The following ENDOD1 variants were observed in gnomAD, a reference collection of about 807,000 sequenced individuals.
ENDOD1 encodes the protein endonuclease domain containing 1, also known as endonuclease domain-containing 1 protein.
A neutral mutation model predicts 6.5 loss-of-function variants in ENDOD1; 9 were observed. The observed-to-expected ratio is 1.39, with a 90% CI of 0.84 to 2.43. The LOEUF (loss-of-function observed/expected upper bound fraction) is 2.43. Among genes scored for constraint, ENDOD1 ranks in the 30% most tolerant of loss-of-function variants. The pLI, the probability that ENDOD1 is intolerant of heterozygous loss-of-function variation, is 0.00. For missense variants in ENDOD1, 648 were observed against 635.5 expected, an observed-to-expected ratio of 1.02 and a Z score of -0.21; for synonymous variants, 255 against 255.2, an observed-to-expected ratio of 1.00 and a Z score of 0.01.
intron 1 of ENDOD1, among the ~76,000 whole-genome samples, chr11:95,116,661 C>A (rs1175205240): frequency 6.6e-6 from 1 of 152,068 alleles, no homozygotes; most frequent in Non-Finnish European, 1.5e-5. Flanking sequence ...TTTGCTGTAT[C>A]CCATAGGTTT....
chr11:95,097,671 G>A (rs1859000312), intron 1 of ENDOD1, among the ~76,000 whole-genome samples: 1 of 152,194 alleles, frequency 6.6e-6, no homozygotes, highest in Non-Finnish European at 1.5e-5. Flanking sequence ...AAGGGCAGAA[G>A]CAAAGAAACC....
chr11:95,097,031 G>A (rs1265210059), intron 1 of ENDOD1, among the ~76,000 whole-genome samples: 3 of 151,916 alleles, frequency 2.0e-5, no homozygotes, highest in African/African-American at 7.3e-5. Flanking sequence ...GCATGCACCT[G>A]TAGTCCCAAC....
intron 1 of ENDOD1, among the ~76,000 whole-genome samples, chr11:95,114,927 T>G (rs1280571442): frequency 6.6e-6 from 1 of 152,226 alleles, no homozygotes; most frequent in Non-Finnish European, 1.5e-5. Flanking sequence ...TCAGGTAGTA[T>G]GATTCCTCCT....
chr11:95,108,598 A>T (rs965106985), intron 1 of ENDOD1, among the ~76,000 whole-genome samples: 3 of 152,110 alleles, frequency 2.0e-5, no homozygotes, highest in Non-Finnish European at 4.4e-5. Context: ...TATTCCCAAG[A>T]GGATAAAGAG....
At chr11:95,090,525 G>T (rs117061173) in intron 1 of ENDOD1, among the ~76,000 whole-genome samples, 1,589 of 152,276 alleles carry the variant, frequency 0.01, 21 homozygotes, top group East Asian at 0.063. Context: ...GCAGACATCC[G>T]CAGTGTTTCA....
intron 1 of ENDOD1, among the ~76,000 whole-genome samples, chr11:95,107,922 T>C (rs640220): frequency 0.97 from 147,801 of 152,216 alleles, 71,778 homozygotes; most frequent in East Asian, 1. Context: ...CCGCCTTGGC[T>C]TCACAAAGTT....
chr11:95,124,532 G>A (rs931467849), intron 1 of ENDOD1, among the ~76,000 whole-genome samples: 9 of 152,182 alleles, frequency 5.9e-5, no homozygotes, highest in Admixed American at 6.5e-5. Context: ...GGAAGGGGAG[G>A]GAAGATGTGC....
chr11:95,093,814 C>A (rs1858954760), intron 1 of ENDOD1, among the ~76,000 whole-genome samples: 2 of 152,166 alleles, frequency 1.3e-5, no homozygotes, highest in African/African-American at 4.8e-5. Flanking sequence ...AGCTGGAACC[C>A]TGCTCTGCAG....
chr11:95,123,314 TA>T (rs1319200093), intron 1 of ENDOD1, among the ~76,000 whole-genome samples: 1 of 150,544 alleles, frequency 6.6e-6, no homozygotes. Flanking sequence ...TTGCAAAAGA[TA>T]AAATTGACAG....
rs1859358295 is a variant in ENDOD1 at position 95,130,301 on chromosome 11, A to G, written c.*722A>G. ...CCAAATGTGGCATAACAGAGTTTGA[A>G]TTGAAGGGCAAAGTTTTCTTTTCTT... is the stretch of plus-strand genomic sequence containing the variant. On this transcript the variant is annotated 3_prime_UTR_variant, in exon 2 of 2. Coordinates refer to ENST00000278505, the MANE Select transcript of ENDOD1 (RefSeq NM_015036.3). The G allele has an allele frequency of 6.7e-6, 1 of 149,302 alleles. No homozygotes were observed. Among genetic ancestry groups the G allele is most frequent in the South Asian group, 2.1e-4 (1 of 4,714 alleles). 9.2% of individuals were successfully genotyped at this position (149,302 alleles called of 1,614,324 possible).
chr11:95,128,849 T>C lies in ENDOD1; in HGVS notation c.773T>C (p.Leu258Pro), dbSNP rs1859339654. ...DVMVKDLQKL[L>P]PFNPQLFQNN... ...ATGGTAAAAGATCTTCAGAAACTGC[T>C]TCCATTTAACCCTCAGCTGTTTCAG... Residue 258 changes from leucine to proline, a missense_variant, in exon 2 of 2, where the codon CTT becomes CCT. By Grantham distance (98) the Leu-to-Pro change is moderately conservative (BLOSUM62 -3). Transcript: ENST00000278505. 1.2e-6 allele frequency: 2 copies of C among 1,614,174 alleles called. No homozygotes were observed. Among genetic ancestry groups the C allele is most frequent in the Admixed American group, 1.7e-5 (1 of 60,026 alleles).
intron 1 of ENDOD1, among the ~76,000 whole-genome samples, chr11:95,101,543 CAT>C (rs35422394): frequency 0.32 from 47,937 of 151,928 alleles, 9,697 homozygotes; most frequent in Non-Finnish European, 0.47. Context: ...ATAAAAATAA[CAT>C]ATGCTTATGG....
At chr11:95,127,285 A>G (rs2134175567) in intron 1 of ENDOD1, among the ~76,000 whole-genome samples, 1 of 152,358 alleles carries the variant, frequency 6.6e-6, no homozygotes, top group African/African-American at 2.4e-5. Flanking sequence ...AGATAAGATG[A>G]AAATAATCAT....
chr11:95,090,329 A>G, intron 1 of ENDOD1, 102 bp downstream of exon 1: 5 of 1,324,918 alleles, frequency 3.8e-6, no homozygotes, highest in Non-Finnish European at 4.8e-6. Context: ...GGGAACAGCA[A>G]TCCCTACGCC....
chr11:95,126,098 A>G (rs1334650655), intron 1 of ENDOD1, among the ~76,000 whole-genome samples: 1 of 152,156 alleles, frequency 6.6e-6, no homozygotes, highest in African/African-American at 2.4e-5. Flanking sequence ...AGAATGGGGG[A>G]AGGCATGGAG....
rs555972709 is a variant in ENDOD1, at chr11:95,132,095, C to A, written c.*2516C>A. The A allele has an allele frequency of 1.3e-5, 2 of 152,730 alleles. No individual in the cohort carries two copies. Among genetic ancestry groups the A allele is most frequent in the African/African-American group, 2.4e-5 (1 of 41,552 alleles). The allele number at this position is 152,730 out of a possible 1,614,324, so 9.5% of individuals were successfully genotyped here. ...TGAGGTAGAGGTTGGGGTTTATGAA[C>A]CCCAACTCTGGCTTAAAGATCTTGC... On this transcript the variant is annotated 3_prime_UTR_variant, in exon 2 of 2. Coordinates refer to ENST00000278505, the MANE Select transcript of ENDOD1 (RefSeq NM_015036.3).
intron 1 of ENDOD1, among the ~76,000 whole-genome samples, chr11:95,110,184 G>A (rs1175946581): frequency 1.3e-5 from 2 of 152,208 alleles, no homozygotes; most frequent in African/African-American, 4.8e-5. Flanking sequence ...CACCATGGCA[G>A]AGAAGCAGAT....
At chr11:95,099,896 A>G (rs962115768) in intron 1 of ENDOD1, among the ~76,000 whole-genome samples, 1 of 152,228 alleles carries the variant, frequency 6.6e-6, no homozygotes, top group Admixed American at 6.5e-5. Context: ...TAAATGGACC[A>G]GGATGCATGG....
intron 1 of ENDOD1, among the ~76,000 whole-genome samples, chr11:95,106,461 G>A (rs1565445474): frequency 6.6e-6 from 1 of 152,118 alleles, no homozygotes; most frequent in Non-Finnish European, 1.5e-5. Flanking sequence ...GAAATTTGGC[G>A]GGGAGGCCTA....
Sources: allele counts gnomAD v4.1 joint callset (sites outside exome capture counted in the v4.1 genomes callset), GRCh38; gene constraint gnomAD v4.1.1; transcripts MANE v1.5; gene names NCBI Gene and HGNC (gene_info 2026-07-23, HGNC 2026-07-21).